The following YME1L1 variants were observed in gnomAD, a reference collection of about 807,000 sequenced individuals.
The protein encoded by YME1L1 is YME1 like 1 ATPase.
A neutral mutation model predicts 90.4 loss-of-function variants in YME1L1; 39 were observed. That is an observed-to-expected ratio of 0.43 (90% CI 0.33 to 0.56). The LOEUF is 0.56. Among genes scored for constraint, YME1L1 ranks in the 20% least tolerant of loss-of-function variants. YME1L1 has a pLI of 0.03. For missense variants in YME1L1, 617 were observed against 868.4 expected, an observed-to-expected ratio of 0.71 and a Z score of 3.64; for synonymous variants, 284 against 287.3, an observed-to-expected ratio of 0.99 and a Z score of 0.12.
At chr10:27,150,697 A>G (rs1198588212) in intron 1 of YME1L1, among the ~76,000 whole-genome samples, 2 of 152,208 alleles carry the variant, frequency 1.3e-5, no homozygotes, top group African/African-American at 4.8e-5. Flanking sequence ...GGCAACATCA[A>G]GAAGTTACCC....
intron 3 of YME1L1, 61 bp downstream of exon 3, chr10:27,145,367 G>T (rs1231044785): frequency 1.5e-6 from 2 of 1,341,844 alleles, no homozygotes; most frequent in East Asian, 2.5e-5. Flanking sequence ...CTAAGAAATG[G>T]TATCTATAAT....
chr10:27,141,170 G>A (rs117737057), intron 4 of YME1L1, among the ~76,000 whole-genome samples: 1,846 of 152,210 alleles, frequency 0.012, 22 homozygotes, highest in South Asian at 0.034. Context: ...CAAGGCAGGC[G>A]GATCACCTAA....
chr10:27,136,445 T>C (rs920919922), intron 4 of YME1L1, 60 bp from the exon 5 acceptor site: 6 of 1,401,172 alleles, frequency 4.3e-6, no homozygotes, highest in Non-Finnish European at 6.0e-6. Flanking sequence ...GAAAAATGCC[T>C]AAGATTCTAA....
Position 27,123,638 on chromosome 10 carries a change from T to A in YME1L1, c.1011A>T (p.Gly337=). 6.2e-7 allele frequency: 1 copy of A among 1,612,726 alleles called. No individual in the cohort carries two copies. Among genetic ancestry groups the A allele is most frequent in the African/African-American group, 1.3e-5 (1 of 74,964 alleles). Residue 337 remains glycine (G), a synonymous_variant, in exon 10 of 19, where the codon GGA becomes GGT. Transcript: ENST00000376016. ...CATAATAAAAAGGAACATCAGCTTC[T>A]CCCGCCACAGCTCGGGCAAGAAGTG... ...GKTLLARAVA[G]EADVPFYYAS... is the part of the protein sequence containing the mutation.
chr10:27,131,299 C>T (rs1041994211), intron 8 of YME1L1, among the ~76,000 whole-genome samples: 3 of 152,184 alleles, frequency 2.0e-5, no homozygotes, highest in African/African-American at 4.8e-5. Flanking sequence ...AGAGTTTAAA[C>T]TCTAAGAATG....
chr10:27,147,365 G>T, intron 2 of YME1L1: 1 of 1,488,552 alleles, frequency 6.7e-7, no homozygotes, highest in Non-Finnish European at 9.3e-7. Context: ...AACAAACAAA[G>T]AAACTAGACT....
chr10:27,138,570 T>C (rs916865439), intron 4 of YME1L1, among the ~76,000 whole-genome samples: 7 of 152,156 alleles, frequency 4.6e-5, no homozygotes, highest in Non-Finnish European at 1.0e-4. Context: ...GATAAAACAT[T>C]TACTGGGTTT....
Position 27,117,095 on chromosome 10 carries a change from AG to A in YME1L1, c.1719+480del, listed in dbSNP as rs2056821192. ...ACATCCTTTATAAAGCAACAACAATAGGTGGATAATGCTGCAATAGGACTGT... is the reference window on the plus strand; with the variant it reads ...ACATCCTTTATAAAGCAACAACAATAGTGGATAATGCTGCAATAGGACTGT... On this transcript the variant is annotated intron_variant, in intron 15 of 18. Coordinates refer to ENST00000376016, the MANE Select transcript of YME1L1 (RefSeq NM_014263.4). 2.0e-5 allele frequency among the ~76,000 whole-genome samples: 3 copies of A among 152,210 alleles called. No individual in the cohort carries two copies. In the South Asian group the frequency reaches 6.2e-4, roughly 32 times the overall value.
At chr10:27,139,493 T>C (rs2057063741) in intron 4 of YME1L1, among the ~76,000 whole-genome samples, 1 of 152,074 alleles carries the variant, frequency 6.6e-6, no homozygotes, top group South Asian at 2.1e-4. Flanking sequence ...AAAGTTTTAC[T>C]AACAGCAATC....
intron 4 of YME1L1, among the ~76,000 whole-genome samples, 160 bp from the exon 5 acceptor site, chr10:27,136,545 C>T (rs183214635): frequency 5.7e-4 from 86 of 152,108 alleles, no homozygotes; most frequent in African/African-American, 1.9e-3. Context: ...TTTGTAGAGA[C>T]GGGGTCTCCT....
At chr10:27,135,847 AAAC>A (rs1393611686) in intron 5 of YME1L1, among the ~76,000 whole-genome samples, 6 of 152,258 alleles carry the variant, frequency 3.9e-5, no homozygotes, top group African/African-American at 9.6e-5. Flanking sequence ...CAAGGAGACT[AAAC>A]AAGTATTCAT....
intron 2 of YME1L1, chr10:27,146,236 T>C (rs564274552): frequency 3.3e-5 from 5 of 152,374 alleles, no homozygotes; most frequent in African/African-American, 9.6e-5. Context: ...TTGGTTACCA[T>C]AGGACATCTC....
chr10:27,116,234 C>T lies in YME1L1; in HGVS notation c.1831G>A (p.Asp611Asn), dbSNP rs1003082694. ...TAAAGCTAACCTGTTGTAATATGGT[C>T]GGTTCCAAATATAAGCTCCTCTGCC... ...RVAEELIFGT[D>N]HITTGASSDF... Residue 611 changes from aspartate to asparagine, a missense_variant, in exon 16 of 19, where the codon GAC (aspartate) becomes AAC (asparagine). Transcript: ENST00000376016. The T allele has an allele frequency of 1.2e-6, 2 of 1,614,074 alleles. No homozygotes were observed. The highest frequency in any genetic ancestry group is 1.7e-6 in the Non-Finnish European group (2 of 1,180,022).
intron 3 of YME1L1, among the ~76,000 whole-genome samples, chr10:27,144,540 T>A (rs1468489368): frequency 6.6e-6 from 1 of 152,062 alleles, no homozygotes; most frequent in Non-Finnish European, 1.5e-5. Flanking sequence ...CTTTTCAGAC[T>A]AGTATGAACC....
At chr10:27,120,096 T>C (rs2056851333) in intron 13 of YME1L1, among the ~76,000 whole-genome samples, 2 of 152,190 alleles carry the variant, frequency 1.3e-5, no homozygotes, top group South Asian at 2.1e-4. Flanking sequence ...ACACTGACTA[T>C]ATCATGAGTT....
chr10:27,114,453 T>G, intron 18 of YME1L1, 68 bp downstream of exon 18: 1 of 1,329,634 alleles, frequency 7.5e-7, no homozygotes, highest in Admixed American at 2.1e-5. Flanking sequence ...AGCTGTTATT[T>G]TTTAAGAACC....
chr10:27,139,829 C>A (rs2057067566), intron 4 of YME1L1, among the ~76,000 whole-genome samples: 1 of 152,106 alleles, frequency 6.6e-6, no homozygotes, highest in African/African-American at 2.4e-5. Context: ...CTAATACTGT[C>A]TGTATTTTCC....
chr10:27,113,431 G>A (rs1237805505), intron 18 of YME1L1, among the ~76,000 whole-genome samples: 2 of 151,704 alleles, frequency 1.3e-5, no homozygotes, highest in African/African-American at 4.8e-5. Flanking sequence ...AGCACTTTGG[G>A]AGGCCGAGGT....
At chr10:27,112,167 C>A in intron 18 of YME1L1, 47 bp from the exon 19 acceptor site, 1 of 1,550,164 alleles carries the variant, frequency 6.5e-7, no homozygotes, top group Non-Finnish European at 8.7e-7. Context: ...TGCAGGGATG[C>A]GAAAACCAGT....
Sources: allele counts gnomAD v4.1 joint callset (sites outside exome capture counted in the v4.1 genomes callset), GRCh38; gene constraint gnomAD v4.1.1; transcripts MANE v1.5; gene names NCBI Gene and HGNC (gene_info 2026-07-23, HGNC 2026-07-21).